Variants in NSUN7 observed in about 807,000 individuals in gnomAD.
NSUN7 encodes the protein NOP2/Sun RNA methyltransferase family member 7.
A neutral mutation model predicts 58.5 loss-of-function variants in NSUN7; 39 were observed. That is an observed-to-expected ratio of 0.67 (90% confidence interval 0.52 to 0.87). NSUN7 has a LOEUF of 0.87. NSUN7 is among the 40% of genes least tolerant of loss of function. The pLI, the probability that NSUN7 is intolerant of heterozygous loss-of-function variation, is 0.00. For missense variants in NSUN7, 765 were observed against 844.1 expected, an observed-to-expected ratio of 0.91 and a Z score of 1.16; for synonymous variants, 278 against 303.7, an observed-to-expected ratio of 0.92 and a Z score of 0.88.
At chr4:40,792,877 C>T (rs529836557) in intron 8 of NSUN7, among the ~76,000 whole-genome samples, 1 of 152,142 alleles carries the variant, frequency 6.6e-6, no homozygotes, top group South Asian at 2.1e-4. Flanking sequence ...GAACGTGGAA[C>T]GTTAGCCAGA....
intron 7 of NSUN7, among the ~76,000 whole-genome samples, chr4:40,789,821 A>G (rs960445867): frequency 6.6e-6 from 1 of 152,164 alleles, no homozygotes; most frequent in Admixed American, 6.5e-5. Flanking sequence ...GAGGCAAGAG[A>G]AAGGCAGCAG....
At chr4:40,802,287 G>A (rs1325148352) in intron 10 of NSUN7, among the ~76,000 whole-genome samples, 1 of 152,044 alleles carries the variant, frequency 6.6e-6, no homozygotes, top group Non-Finnish European at 1.5e-5. Context: ...ATACTAATAT[G>A]ACAATGCTAT....
chr4:40,792,763 A>AAAAG lies in NSUN7; in HGVS notation c.1181-1610_1181-1609insAGAA, dbSNP rs1553919419. Among the ~76,000 whole-genome samples the AAAAG allele has an allele frequency of 4.1e-3, 614 of 150,816 alleles. 3 individuals carry two copies. Among genetic ancestry groups the AAAAG allele is most frequent in the African/African-American group, 0.014 (566 of 41,034 alleles). ...AGACTCCATCTCATTTAAAAAAAAA[A>AAAAG]AAGTTGTCGTATCCTGAAGTAAGCG... On this transcript the variant is annotated intron_variant, in intron 8 of 11. Transcript: ENST00000381782.
chr4:40,786,628 G>C (rs1422889402), intron 7 of NSUN7: 10 of 1,611,644 alleles, frequency 6.2e-6, no homozygotes, highest in Non-Finnish European at 8.5e-6. Flanking sequence ...AATCATAGGA[G>C]ATGGCCTAAA....
At chr4:40,800,505 A>C (rs1276774832) in intron 10 of NSUN7, among the ~76,000 whole-genome samples, 1 of 152,000 alleles carries the variant, frequency 6.6e-6, no homozygotes, top group Non-Finnish European at 1.5e-5. Context: ...TCACCTGGCT[A>C]ATTTTTGTAT....
chr4:40,788,257 A>C (rs1244708799), intron 7 of NSUN7, among the ~76,000 whole-genome samples: 2 of 152,198 alleles, frequency 1.3e-5, no homozygotes, highest in Non-Finnish European at 2.9e-5. Context: ...ACTCTTTTGG[A>C]GTTCAGGGGA....
In NSUN7 at chr4:40,750,153, C is replaced by T. The variant is rs565741092; in HGVS notation, c.-239C>T. 557 of 152,868 alleles carry T rather than the reference C, an allele frequency of 3.6e-3. No homozygotes were observed. The highest frequency in any genetic ancestry group is 6.0e-3 in the Non-Finnish European group (410 of 68,450). The allele number at this position is 152,868 out of a possible 1,614,324, so 9.5% of individuals were successfully genotyped here. A position where few individuals can be genotyped will look rare whatever the true frequency, so the allele number is the denominator to read the frequency against. ...AGGCTGCGACCCCCCTGCCCCGAAT[C>T]CTGCCGGTGGGAGTGGCTGCATTTG... is the stretch of plus-strand genomic sequence containing the variant. On this transcript the variant is annotated 5_prime_UTR_variant, in exon 1 of 12. Coordinates refer to ENST00000381782, the MANE Select transcript of NSUN7 (RefSeq NM_024677.6).
chr4:40,795,137 A>AAATCCT (rs1743260467), intron 9 of NSUN7, among the ~76,000 whole-genome samples: 2 of 152,196 alleles, frequency 1.3e-5, no homozygotes, highest in African/African-American at 4.8e-5. Context: ...AAGGTGTATC[A>AAATCCT]GTGTTAGCAA....
At chr4:40,758,930 AT>A (rs1184677723) in intron 2 of NSUN7, among the ~76,000 whole-genome samples, 1 of 152,060 alleles carries the variant, frequency 6.6e-6, no homozygotes, top group Non-Finnish European at 1.5e-5. Context: ...TATAAATTCA[AT>A]TTATACCTTG....
intron 10 of NSUN7, among the ~76,000 whole-genome samples, chr4:40,799,570 A>G (rs1743489300): frequency 6.6e-6 from 1 of 152,206 alleles, no homozygotes; most frequent in Non-Finnish European, 1.5e-5. Context: ...GCCATGATTA[A>G]TGATTAATCT....
intron 2 of NSUN7, among the ~76,000 whole-genome samples, chr4:40,757,902 T>TTTTTTTTTG (rs111847789): frequency 6.7e-6 from 1 of 148,496 alleles, no homozygotes; most frequent in African/African-American, 2.5e-5. Flanking sequence ...CTATTCCTGT[T>TTTTTTTTTG]TTTGTTTGTT....
chr4:40,750,768 G>A lies in NSUN7; in HGVS notation c.75G>A (p.Leu25=). 6.2e-7 allele frequency: 1 copy of A among 1,614,174 alleles called. No homozygotes were observed. The highest frequency in any genetic ancestry group is 8.5e-7 in the Non-Finnish European group (1 of 1,180,028). Residue 25 remains leucine, a synonymous_variant, in exon 2 of 12, where the codon CTG becomes CTA. Transcript: ENST00000381782. ...AGATCATCTCCCAACTCACTTCCCT[G>A]CCTCTGTCCGGTGGGAAAAGCTCAG... ...DPEIISQLTS[L]PLSGGKSSAG... is the part of the protein sequence containing the mutation.
chr4:40,785,867 G>T (rs1240030578), intron 7 of NSUN7, among the ~76,000 whole-genome samples: 1 of 152,274 alleles, frequency 6.6e-6, no homozygotes, highest in East Asian at 1.9e-4. Flanking sequence ...ATGATAAGAA[G>T]TTAGAAAAAT....
intron 7 of NSUN7, among the ~76,000 whole-genome samples, chr4:40,778,874 C>T (rs1324130649): frequency 1.3e-5 from 2 of 152,170 alleles, no homozygotes. Context: ...TAAACAATGT[C>T]TTCATAATGC....
intron 2 of NSUN7, among the ~76,000 whole-genome samples, chr4:40,758,304 CTTG>C (rs745419973): frequency 6.6e-5 from 10 of 151,790 alleles, no homozygotes; most frequent in Middle Eastern, 3.2e-3. Flanking sequence ...TAATACTGTA[CTTG>C]TTGTGAAAAA....
rs775348228 is a variant in NSUN7 at position 40,809,263 on chromosome 4, A to G, written c.*324A>G. The G allele has an allele frequency of 7.5e-4, 163 of 217,174 alleles. No homozygotes were observed. Among genetic ancestry groups the G allele is most frequent in the Non-Finnish European group, 1.3e-3 (144 of 110,530 alleles). The allele number at this position is 217,174 out of a possible 1,614,324, so 13.5% of individuals were successfully genotyped here. On this transcript the variant is annotated 3_prime_UTR_variant, in exon 12 of 12. Transcript: ENST00000381782. ...AGCTGCCAAGTTTCCCCTGCAGGGA[A>G]GGAAACACTGCCTCCCTTCAGCAGG... is the stretch of plus-strand genomic sequence containing the variant.
At chr4:40,751,950 G>A (rs572963555) in intron 2 of NSUN7, among the ~76,000 whole-genome samples, 7 of 152,202 alleles carry the variant, frequency 4.6e-5, no homozygotes, top group African/African-American at 1.7e-4. Context: ...GAGCCAAGAT[G>A]GTGTCATTGC....
chr4:40,803,731 C>G (rs1166868988), intron 10 of NSUN7, among the ~76,000 whole-genome samples: 1 of 152,190 alleles, frequency 6.6e-6, no homozygotes, highest in Admixed American at 6.5e-5. Context: ...TCACCATTAA[C>G]TTTTGTATAT....
At chr4:40,786,526 A>G in intron 7 of NSUN7, 1 of 1,613,282 alleles carries the variant, frequency 6.2e-7, no homozygotes, top group Non-Finnish European at 8.5e-7. Flanking sequence ...ACAAGATTTG[A>G]AGAACTCATT....
Sources: gnomAD v4.1 joint callset for allele counts (sites outside exome capture counted in the v4.1 genomes callset) on GRCh38, gnomAD v4.1.1 for gene constraint, MANE v1.5 for transcripts, NCBI Gene and HGNC (gene_info 2026-07-23, HGNC 2026-07-21) for gene names.